CNTNAP4: variants seen among roughly 807,000 people sequenced by gnomAD.
CNTNAP4 encodes contactin associated protein family member 4, also known as contactin-associated protein-like 4.
CNTNAP4 carries 98 observed loss-of-function variants against 148.4 expected under a neutral mutation model. The ratio of observed to expected loss-of-function variants is 0.66; its 90% CI spans 0.56 to 0.78. The LOEUF is 0.78. Ranked by LOEUF, CNTNAP4 falls within the 30% of genes least tolerant of loss-of-function variation. The pLI is 0.00. For missense variants in CNTNAP4, 1,935 were observed against 1,565.6 expected (o/e 1.24, Z -3.98); for synonymous variants, 730 against 565.1 (o/e 1.29, Z -4.14).
intron 17 of CNTNAP4, among the ~76,000 whole-genome samples, chr16:76,522,782 T>C (rs937143108): frequency 1.0e-4 from 14 of 139,328 alleles, no homozygotes; most frequent in African/African-American, 3.5e-4. Flanking sequence ...TTTTCTTTCT[T>C]GACAGAGTCT....
chr16:76,438,848 C>A (rs2079932148), intron 4 of CNTNAP4, among the ~76,000 whole-genome samples: 1 of 152,164 alleles, frequency 6.6e-6, no homozygotes, highest in African/African-American at 2.4e-5. Context: ...AAATTTAAAT[C>A]TCCGTGTTCA....
At chr16:76,364,205 G>A (rs903351640) in intron 3 of CNTNAP4, among the ~76,000 whole-genome samples, 2 of 115,148 alleles carry the variant, frequency 1.7e-5, no homozygotes, top group African/African-American at 6.9e-5. Context: ...CTGCATTCCA[G>A]CCTGGGCAAC....
chr16:76,485,988 C>T (rs755831700), intron 12 of CNTNAP4, among the ~76,000 whole-genome samples: 1 of 152,230 alleles, frequency 6.6e-6, no homozygotes. Flanking sequence ...GCAACACAAG[C>T]TTTGCAAGTG....
intron 2 of CNTNAP4, among the ~76,000 whole-genome samples, chr16:76,329,166 G>A (rs963267166): frequency 6.6e-6 from 1 of 152,232 alleles, no homozygotes. Context: ...TTGAGAAGGA[G>A]GGAAAGGAAT....
chr16:76,477,106 C>G (rs532284245), intron 11 of CNTNAP4, among the ~76,000 whole-genome samples: 53 of 152,156 alleles, frequency 3.5e-4, no homozygotes, highest in Non-Finnish European at 6.2e-4. Context: ...TCTATTTGTT[C>G]AAGGCTACTT....
In CNTNAP4 at chr16:76,498,651, A is replaced by T. The variant is rs745449894; in HGVS notation, c.2322A>T (p.Ser774=). ...IVITDTGRLH[S]EAAYKLGPLL... Reference sequence around the variant, plus strand: ...TTACAGACACAGGCCGACTGCATTCAGAAGCAGCTTATAAACTGGGGCCTC... The same window carrying T: ...TTACAGACACAGGCCGACTGCATTCTGAAGCAGCTTATAAACTGGGGCCTC... The change falls in exon 15 of 24, where the codon TCA becomes TCT. Residue 774 remains serine (S), a synonymous_variant. Transcript: ENST00000611870. 8.1e-6 allele frequency: 13 copies of T among 1,612,920 alleles called. No homozygotes were observed. In the African/African-American group the frequency reaches 1.7e-4, roughly 22 times the overall value.
chr16:76,278,047 G>A (rs1165744350), intron 1 of CNTNAP4, among the ~76,000 whole-genome samples: 4 of 152,126 alleles, frequency 2.6e-5, no homozygotes, highest in South Asian at 2.1e-4. Flanking sequence ...GCATCTTATC[G>A]GGGGAATAGC....
chr16:76,542,265 A>T (rs1238941795), intron 21 of CNTNAP4, among the ~76,000 whole-genome samples: 1 of 152,218 alleles, frequency 6.6e-6, no homozygotes, highest in Non-Finnish European at 1.5e-5. Context: ...AGGTAAGAAC[A>T]TTAGTGTCTA....
chr16:76,345,934 T>C (rs1444926293), intron 2 of CNTNAP4, among the ~76,000 whole-genome samples: 5 of 152,180 alleles, frequency 3.3e-5, no homozygotes, highest in African/African-American at 1.2e-4. Context: ...ATAATGTCCC[T>C]TCTTGCCTGT....
intron 15 of CNTNAP4, among the ~76,000 whole-genome samples, chr16:76,520,616 G>A (rs1293304543): frequency 6.6e-6 from 1 of 152,156 alleles, no homozygotes; most frequent in Non-Finnish European, 1.5e-5. Context: ...AATTAGACAA[G>A]ACTATTTAGA....
chr16:76,492,632 T>TG (rs1260211122), intron 13 of CNTNAP4, among the ~76,000 whole-genome samples: 1 of 152,136 alleles, frequency 6.6e-6, no homozygotes, highest in Non-Finnish European at 1.5e-5. Flanking sequence ...AATTGAATCA[T>TG]GGGGGCAGTT....
chr16:76,359,689 G>A (rs1454650438), intron 3 of CNTNAP4, among the ~76,000 whole-genome samples: 1 of 152,092 alleles, frequency 6.6e-6, no homozygotes, highest in Non-Finnish European at 1.5e-5. Context: ...TTTATACAAA[G>A]TATTCTGCTG....
chr16:76,309,243 G>T (rs535534228), intron 1 of CNTNAP4, among the ~76,000 whole-genome samples: 1 of 152,156 alleles, frequency 6.6e-6, no homozygotes. Flanking sequence ...TGAGATGGCA[G>T]AGCTGGGGGA....
At chr16:76,419,333 T>G (rs1568090372) in intron 3 of CNTNAP4, among the ~76,000 whole-genome samples, 1 of 151,976 alleles carries the variant, frequency 6.6e-6, no homozygotes, top group Non-Finnish European at 1.5e-5. Flanking sequence ...TTCAGGAGAA[T>G]AGCCCTTTGT....
chr16:76,411,869 A>T (rs886991699), intron 3 of CNTNAP4, among the ~76,000 whole-genome samples: 4 of 151,460 alleles, frequency 2.6e-5, no homozygotes, highest in African/African-American at 4.8e-5. Context: ...TATACAACTC[A>T]TTGGACTATC....
At chr16:76,290,975 C>T (rs575127781) in intron 1 of CNTNAP4, among the ~76,000 whole-genome samples, 5 of 152,106 alleles carry the variant, frequency 3.3e-5, no homozygotes, top group South Asian at 2.1e-4. Flanking sequence ...AGAGAGAGAG[C>T]GATATCTCTG....
chr16:76,520,306 T>A (rs1335210154), intron 15 of CNTNAP4, among the ~76,000 whole-genome samples: 1 of 152,204 alleles, frequency 6.6e-6, no homozygotes, highest in Non-Finnish European at 1.5e-5. Flanking sequence ...TGGTTCATAA[T>A]ATTTTTTCGA....
At chr16:76,368,477 G>T (rs1177611239) in intron 3 of CNTNAP4, among the ~76,000 whole-genome samples, 1 of 152,156 alleles carries the variant, frequency 6.6e-6, no homozygotes, top group Non-Finnish European at 1.5e-5. Context: ...CATATACACT[G>T]TGGAATACTA....
chr16:76,500,036 C>T (rs1376225203), intron 15 of CNTNAP4, among the ~76,000 whole-genome samples: 1 of 152,178 alleles, frequency 6.6e-6, no homozygotes, highest in Non-Finnish European at 1.5e-5. Flanking sequence ...ACAAAACCGC[C>T]ATCGTCATCA....
Sources: gnomAD v4.1 joint callset for allele counts (sites outside exome capture counted in the v4.1 genomes callset) on GRCh38, gnomAD v4.1.1 for gene constraint, MANE v1.5 for transcripts, NCBI Gene and HGNC (gene_info 2026-07-23, HGNC 2026-07-21) for gene names.